NXNL2: variants seen among roughly 807,000 people sequenced by gnomAD.
The protein encoded by NXNL2 is nucleoredoxin-like protein 2.
NXNL2 carries 7 observed loss-of-function variants against 11.1 expected under a neutral mutation model. The observed-to-expected ratio is 0.63, with a 90% CI of 0.36 to 1.18. The LOEUF is 1.18. NXNL2 is among the 50% of genes most tolerant of loss of function. The pLI, the probability that NXNL2 is intolerant of heterozygous loss-of-function variation, is 0.02. For synonymous variants in NXNL2, 109 were observed against 101.8 expected (o/e 1.07, Z -0.42); for missense variants, 233 against 217.7 (o/e 1.07, Z -0.44).
chr9:88,552,171 G>C (rs990797626), intron 1 of NXNL2, among the ~76,000 whole-genome samples: 13 of 152,094 alleles, frequency 8.5e-5, no homozygotes, highest in African/African-American at 3.1e-4. Flanking sequence ...GATCACGCTT[G>C]TGTGTCTGTG....
chr9:88,544,290 G>A (rs1262025884), intron 1 of NXNL2, 89 bp from the exon 2 acceptor site: 10 of 1,204,314 alleles, frequency 8.3e-6, no homozygotes, highest in Middle Eastern at 2.3e-4. Context: ...CCTCCAAGTT[G>A]GCTGTACCTC....
intron 1 of NXNL2, among the ~76,000 whole-genome samples, chr9:88,564,676 A>G (rs973832077): frequency 1.3e-5 from 2 of 152,194 alleles, no homozygotes; most frequent in Non-Finnish European, 2.9e-5. Context: ...TCGGCCTCCC[A>G]AAGTGCTGGG....
downstream of NXNL2, among the ~76,000 whole-genome samples, chr9:88,576,144 G>A (rs545758230): frequency 3.2e-4 from 49 of 152,312 alleles, no homozygotes; most frequent in African/African-American, 1.1e-3. Flanking sequence ...ACAGTGAGCC[G>A]AGATTGTGCC....
intron 1 of NXNL2, among the ~76,000 whole-genome samples, chr9:88,560,163 T>C (rs1361177023): frequency 1.3e-5 from 2 of 152,038 alleles, no homozygotes. Context: ...TCAGTGAAGA[T>C]GATGAAAAAA....
At chr9:88,557,388 A>G (rs1830031823) in intron 1 of NXNL2, among the ~76,000 whole-genome samples, 1 of 152,136 alleles carries the variant, frequency 6.6e-6, no homozygotes, top group Non-Finnish European at 1.5e-5. Context: ...AAATTTTCCA[A>G]ATTTTCCTAG....
At chr9:88,537,164 G>A (rs1001600514) in intron 1 of NXNL2, among the ~76,000 whole-genome samples, 2 of 152,180 alleles carry the variant, frequency 1.3e-5, no homozygotes, top group African/African-American at 4.8e-5. Flanking sequence ...GATCACATAT[G>A]AGCTCATGTG....
chr9:88,547,100 G>C (rs566182445), downstream of NXNL2, among the ~76,000 whole-genome samples: 1 of 152,218 alleles, frequency 6.6e-6, no homozygotes, highest in African/African-American at 2.4e-5. Flanking sequence ...CCCAGCCCAG[G>C]CCCACGTCTC....
chr9:88,551,285 G>A (rs1829927634), intron 1 of NXNL2, among the ~76,000 whole-genome samples: 1 of 151,956 alleles, frequency 6.6e-6, no homozygotes, highest in Non-Finnish European at 1.5e-5. Context: ...TTGTCTTTCG[G>A]CATTTCCTAG....
exon 3 of NXNL2, chr9:88,575,189 A>T (rs902685775): frequency 2.0e-6 from 2 of 984,268 alleles, no homozygotes; most frequent in Non-Finnish European, 2.4e-6. Context: ...GCATTCTGCG[A>T]GTCTGTGCTC....
chr9:88,553,420 C>A (rs1253401264), intron 1 of NXNL2, among the ~76,000 whole-genome samples: 1 of 152,212 alleles, frequency 6.6e-6, no homozygotes, highest in Non-Finnish European at 1.5e-5. Flanking sequence ...CCTCCAGAGT[C>A]TTCCATCACT....
chr9:88,546,666 C>T (rs966234688), downstream of NXNL2, among the ~76,000 whole-genome samples: 2 of 152,092 alleles, frequency 1.3e-5, no homozygotes, highest in Non-Finnish European at 2.9e-5. Flanking sequence ...CCACCCGCTT[C>T]GGCCTCCCAG....
At chr9:88,548,076 C>A (rs1465197492), downstream of NXNL2, among the ~76,000 whole-genome samples, 1 of 136,156 alleles carries the variant, frequency 7.3e-6, no homozygotes, top group East Asian at 3.0e-4. Context: ...TGGTGGCTCA[C>A]GCCTGTAATC....
At chr9:88,547,139 C>T (rs997360849), downstream of NXNL2, among the ~76,000 whole-genome samples, 1 of 152,194 alleles carries the variant, frequency 6.6e-6, no homozygotes, top group Non-Finnish European at 1.5e-5. Flanking sequence ...GCCCCGTGGG[C>T]GCTAACATCT....
intron 1 of NXNL2, among the ~76,000 whole-genome samples, chr9:88,565,711 A>AT (rs1237913482): frequency 2.0e-5 from 3 of 151,774 alleles, no homozygotes; most frequent in Non-Finnish European, 2.9e-5. Flanking sequence ...CTAATTTTGT[A>AT]TTTTTAGTAG....
chr9:88,537,974 G>A (rs953223557), intron 1 of NXNL2, among the ~76,000 whole-genome samples: 2 of 152,198 alleles, frequency 1.3e-5, no homozygotes, highest in Admixed American at 6.5e-5. Flanking sequence ...GACCAACGCT[G>A]GTTGCAACAG....
At chr9:88,551,284 G>A (rs1310866710) in intron 1 of NXNL2, among the ~76,000 whole-genome samples, 3 of 151,934 alleles carry the variant, frequency 2.0e-5, no homozygotes, top group Non-Finnish European at 4.4e-5. Context: ...TTTGTCTTTC[G>A]GCATTTCCTA....
chr9:88,561,664 C>A (rs139141120), intron 1 of NXNL2, among the ~76,000 whole-genome samples: 68 of 152,194 alleles, frequency 4.5e-4, no homozygotes, highest in Middle Eastern at 3.4e-3. Flanking sequence ...AATAAGCAAG[C>A]ACCAATAACA....
chr9:88,567,812 G>A (rs2118522125), intron 1 of NXNL2, among the ~76,000 whole-genome samples: 1 of 152,314 alleles, frequency 6.6e-6, no homozygotes, highest in Non-Finnish European at 1.5e-5. Context: ...GTGGGGAGCA[G>A]CCCAGACTCC....
At position 88,535,205 on chromosome 9, in the gene NXNL2, G is replaced by C. The variant is rs1019251010; in HGVS notation, c.-230G>C. 7.3e-6 allele frequency: 4 copies of C among 548,896 alleles called. No individual in the cohort carries two copies. The highest frequency in any genetic ancestry group is 3.7e-5 in the Admixed American group (1 of 27,042). 34.0% of individuals were successfully genotyped at this position (548,896 alleles called of 1,614,324 possible). A position where few individuals can be genotyped will look rare whatever the true frequency, so the allele number is the denominator to read the frequency against. ...AGGCGGGTGCCGCGCTGTCGCCCAG[G>C]TATCTGGGGTCTCTGGTGTCTGAGT... On this transcript the variant is annotated 5_prime_UTR_variant, in exon 1 of 2. Transcript: ENST00000375854.
Sources: gnomAD v4.1 joint callset for allele counts (sites outside exome capture counted in the v4.1 genomes callset) on GRCh38, gnomAD v4.1.1 for gene constraint, MANE v1.5 for transcripts, NCBI Gene and HGNC (gene_info 2026-07-23, HGNC 2026-07-21) for gene names.